The following HESX1 variants were observed in gnomAD, a reference collection of about 807,000 sequenced individuals.
HESX1 encodes homeobox expressed in ES cells 1.
A neutral mutation model predicts 22.5 loss-of-function variants in HESX1; 11 were observed. The observed-to-expected ratio is 0.49, with a 90% CI of 0.31 to 0.81. The LOEUF (loss-of-function observed/expected upper bound fraction) is 0.81, where lower values mean the gene tolerates loss of function less well. HESX1 is among the 30% of genes least tolerant of loss of function. The pLI, the probability that HESX1 is intolerant of heterozygous loss-of-function variation, is 0.05. For synonymous variants in HESX1, 74 were observed against 76.5 expected (o/e 0.97, Z 0.17); for missense variants, 201 against 212.6 (o/e 0.95, Z 0.34).
intron 1 of HESX1, among the ~76,000 whole-genome samples, chr3:57,224,852 C>T (rs1050382352): frequency 3.9e-5 from 6 of 152,250 alleles, no homozygotes; most frequent in East Asian, 1.9e-4. Flanking sequence ...CAAGACTGTA[C>T]GTCCTTTTGT....
At chr3:57,198,722 A>T in intron 2 of HESX1, 31 bp downstream of exon 2, 1 of 1,600,630 alleles carries the variant, frequency 6.2e-7, no homozygotes, top group South Asian at 1.1e-5. Flanking sequence ...AAGCCTTTAT[A>T]TTATCATTAT....
intron 1 of HESX1, among the ~76,000 whole-genome samples, chr3:57,223,040 T>C (rs2060623600): frequency 6.6e-6 from 1 of 152,194 alleles, no homozygotes; most frequent in African/African-American, 2.4e-5. Flanking sequence ...ACTGAATGCT[T>C]ATTGCGCTAG....
At chr3:57,224,778 T>G (rs2107588023) in intron 1 of HESX1, among the ~76,000 whole-genome samples, 1 of 152,382 alleles carries the variant, frequency 6.6e-6, no homozygotes, top group East Asian at 1.9e-4. Flanking sequence ...AGGAGTATCA[T>G]GTAAAAACCT....
At chr3:57,200,398 C>A (rs2095133423), upstream of HESX1, among the ~76,000 whole-genome samples, 1 of 152,180 alleles carries the variant, frequency 6.6e-6, no homozygotes, top group Non-Finnish European at 1.5e-5. Context: ...AGTAAATTTT[C>A]TTCCAAGGAA....
chr3:57,221,462 T>C (rs1337952376), intron 1 of HESX1, among the ~76,000 whole-genome samples: 1 of 152,000 alleles, frequency 6.6e-6, no homozygotes, highest in East Asian at 1.9e-4. Flanking sequence ...TGGCCTTCCC[T>C]ACTCTATTTT....
intron 1 of HESX1, among the ~76,000 whole-genome samples, chr3:57,207,521 G>C (rs2060526657): frequency 6.6e-6 from 1 of 152,146 alleles, no homozygotes; most frequent in Admixed American, 6.5e-5. Context: ...ATTGTGGATT[G>C]GACTTTCCAT....
intron 1 of HESX1, among the ~76,000 whole-genome samples, chr3:57,218,625 G>T (rs939883061): frequency 6.6e-6 from 1 of 151,954 alleles, no homozygotes; most frequent in Non-Finnish European, 1.5e-5. Context: ...TGTATTTTTA[G>T]TTGAGACGGG....
chr3:57,227,392 T>C (rs1311759835), upstream of HESX1, among the ~76,000 whole-genome samples: 2 of 152,190 alleles, frequency 1.3e-5, no homozygotes, highest in Admixed American at 6.5e-5. Flanking sequence ...GCGCCAGCAG[T>C]AGGACTTTCT....
intron 1 of HESX1, among the ~76,000 whole-genome samples, chr3:57,205,145 A>G (rs2060512779): frequency 6.6e-6 from 1 of 152,202 alleles, no homozygotes; most frequent in Admixed American, 6.5e-5. Flanking sequence ...ATGGTGGCTC[A>G]TGCCTATAAT....
chr3:57,199,908 C>T lies in HESX1; in HGVS notation c.11G>A (p.Ser4Asn), dbSNP rs1332400265. Residue 4 changes from serine to asparagine, a missense_variant, in exon 1 of 4, where the codon AGC (serine) becomes AAC (asparagine). Transcript: ENST00000295934. Reference protein sequence around the residue: MSPSLQEGAQLGEN... With the variant: MSPNLQEGAQLGEN... ...CCCGAGCTGAGCGCCTTCCTGAAGGCTGGGAGACATCCTCTCGTGGTCTGC... is the reference window on the plus strand; with the variant it reads ...CCCGAGCTGAGCGCCTTCCTGAAGGTTGGGAGACATCCTCTCGTGGTCTGC... 1.2e-6 allele frequency: 2 copies of T among 1,613,926 alleles called. No individual in the cohort carries two copies. Among genetic ancestry groups the T allele is most frequent in the Admixed American group, 3.3e-5 (2 of 60,018 alleles).
rs140585076 is a variant in HESX1 at position 57,218,845 on chromosome 3, C to T, written c.-111+7451G>A. ...ATGGACATTTAGGTTGATTCCATGT[C>T]TTTGCTATTGTGACTAGTGCTGCAA... On this transcript the variant is annotated intron_variant, in intron 1 of 2. Coordinates refer to the HESX1 transcript ENST00000495160. 6.3e-3 allele frequency among the ~76,000 whole-genome samples: 959 copies of T among 152,282 alleles called. 8 individuals are homozygous for T. The highest frequency in any genetic ancestry group is 0.01 in the Middle Eastern group (3 of 294).
chr3:57,204,394 A>G (rs1430546137), upstream of HESX1, among the ~76,000 whole-genome samples: 2 of 152,228 alleles, frequency 1.3e-5, no homozygotes, highest in African/African-American at 4.8e-5. Context: ...GTTAAAGAAC[A>G]TATCTTGCTG....
At chr3:57,222,663 C>T (rs1195208612) in intron 1 of HESX1, among the ~76,000 whole-genome samples, 1 of 152,110 alleles carries the variant, frequency 6.6e-6, no homozygotes. Flanking sequence ...TACCCACTCA[C>T]CACCCGCCAA....
intron 1 of HESX1, among the ~76,000 whole-genome samples, chr3:57,218,439 C>CTTTTTTTTTTTTTTTTTTTTTTTTTTTTT (rs60734023): frequency 9.8e-6 from 1 of 102,274 alleles, no homozygotes; most frequent in African/African-American, 3.5e-5. Context: ...TGATCTCATT[C>CTTTTTTTTTTTTTTTTTTTTTTTTTTTTT]TTTTTTTTTT....
intron 1 of HESX1, among the ~76,000 whole-genome samples, chr3:57,225,961 C>A (rs1461974774): frequency 2.0e-5 from 3 of 150,260 alleles, no homozygotes; most frequent in African/African-American, 7.3e-5. Context: ...GCTCACTGCA[C>A]CTGGGCCTCC....
chr3:57,214,018 A>G (rs1227132298), intron 1 of HESX1, among the ~76,000 whole-genome samples: 2 of 152,238 alleles, frequency 1.3e-5, no homozygotes, highest in East Asian at 1.9e-4. Flanking sequence ...ATAGAGATGA[A>G]ATCATTTCTG....
At chr3:57,205,836 GTTTA>G (rs1304640170) in intron 1 of HESX1, among the ~76,000 whole-genome samples, 2 of 152,104 alleles carry the variant, frequency 1.3e-5, no homozygotes, top group Non-Finnish European at 2.9e-5. Context: ...GGTTTATTAT[GTTTA>G]TTGTCTGTTT....
intron 1 of HESX1, among the ~76,000 whole-genome samples, chr3:57,215,786 A>G (rs1039209588): frequency 2.0e-5 from 3 of 152,140 alleles, no homozygotes; most frequent in Non-Finnish European, 2.9e-5. Context: ...ACAAACAAAC[A>G]AACAAAAAAA....
chr3:57,210,064 C>T (rs762571333), intron 1 of HESX1, among the ~76,000 whole-genome samples: 2 of 152,112 alleles, frequency 1.3e-5, no homozygotes, highest in Non-Finnish European at 2.9e-5. Flanking sequence ...AACATCTTCA[C>T]CAATGATCTC....
Sources: gnomAD v4.1 joint callset for allele counts (sites outside exome capture counted in the v4.1 genomes callset) on GRCh38, gnomAD v4.1.1 for gene constraint, MANE v1.5 for transcripts, NCBI Gene and HGNC (gene_info 2026-07-23, HGNC 2026-07-21) for gene names.